Variants in MPC2 observed in about 807,000 individuals in gnomAD.
The protein encoded by MPC2 is brain protein 44.
In MPC2, 19 loss-of-function variants were observed where a neutral mutation model predicts 19.2. That is an observed-to-expected ratio of 0.99 (90% CI 0.69 to 1.45). MPC2 has a LOEUF of 1.45. MPC2 is among the 40% of genes most tolerant of loss of function. The pLI is 0.00. For missense variants in MPC2, 122 were observed against 153.0 expected (o/e 0.80, Z 1.07); for synonymous variants, 61 against 54.3 (o/e 1.12, Z -0.54).
At chr1:167,929,172 A>G (rs1262511742) in intron 2 of MPC2, among the ~76,000 whole-genome samples, 4 of 152,012 alleles carry the variant, frequency 2.6e-5, no homozygotes, top group Non-Finnish European at 4.4e-5. Flanking sequence ...TAGCCTGACC[A>G]ACATGGAGAA....
chr1:167,927,868 T>C (rs1670799639), intron 2 of MPC2, among the ~76,000 whole-genome samples: 2 of 152,202 alleles, frequency 1.3e-5, no homozygotes, highest in Non-Finnish European at 2.9e-5. Flanking sequence ...AGTGAATAAT[T>C]TTAAACTATG....
chr1:167,929,700 C>A (rs1020657489), intron 2 of MPC2, among the ~76,000 whole-genome samples: 1 of 152,132 alleles, frequency 6.6e-6, no homozygotes, highest in African/African-American at 2.4e-5. Context: ...GGCCACCTAT[C>A]GTATATATGA....
chr1:167,920,724 C>T (rs548578438), intron 3 of MPC2, 93 bp from the exon 4 acceptor site: 39 of 1,218,852 alleles, frequency 3.2e-5, no homozygotes, highest in South Asian at 2.4e-4. Context: ...TTGAGATTTC[C>T]GTAAGTTAGC....
intron 3 of MPC2, among the ~76,000 whole-genome samples, chr1:167,922,589 G>A (rs948160874): frequency 6.6e-6 from 1 of 151,510 alleles, no homozygotes; most frequent in Non-Finnish European, 1.5e-5. Flanking sequence ...TTCTCAATAT[G>A]TAGATATGAA....
chr1:167,920,107 T>C lies in MPC2; in HGVS notation c.236-17A>G. The C allele has an allele frequency of 6.6e-7, 1 of 1,525,028 alleles. No homozygotes were observed. The highest frequency in any genetic ancestry group is 2.3e-5 in the East Asian group (1 of 44,234). The allele number at this position is 1,525,028 out of a possible 1,614,324, so 94.5% of individuals were successfully genotyped here. On this transcript the variant is annotated splice_polypyrimidine_tract_variant and intron_variant, in intron 4 of 5. Coordinates refer to ENST00000271373, the MANE Select transcript of MPC2 (RefSeq NM_001143674.4). ...AAATAAACCCTGTTGAAACAAAATG[T>C]TACTTTAAAAAGAATACATACTGCT... is the stretch of plus-strand genomic sequence containing the variant.
chr1:167,928,114 C>T (rs1031105560), intron 2 of MPC2, among the ~76,000 whole-genome samples: 1 of 152,014 alleles, frequency 6.6e-6, no homozygotes, highest in Non-Finnish European at 1.5e-5. Context: ...TTTGTGAGGC[C>T]GAGATGGGCG....
chr1:167,936,701 A>G (rs1253524378), intron 1 of MPC2: 2 of 562,022 alleles, frequency 3.6e-6, no homozygotes, highest in East Asian at 3.1e-5. Flanking sequence ...TGGTTAGTCT[A>G]AGAAGGAGAG....
intron 2 of MPC2, among the ~76,000 whole-genome samples, chr1:167,927,229 A>C (rs1202367937): frequency 6.6e-6 from 1 of 152,214 alleles, no homozygotes; most frequent in Non-Finnish European, 1.5e-5. Context: ...CCTTTATGCC[A>C]AGGATATATT....
At chr1:167,926,776 G>C (rs1256925040) in intron 2 of MPC2, among the ~76,000 whole-genome samples, 1 of 152,134 alleles carries the variant, frequency 6.6e-6, no homozygotes, top group African/African-American at 2.4e-5. Flanking sequence ...CATTCAACTA[G>C]TTTCATGCTA....
At chr1:167,929,167 T>G (rs1487632441) in intron 2 of MPC2, among the ~76,000 whole-genome samples, 1 of 151,340 alleles carries the variant, frequency 6.6e-6, no homozygotes, top group Non-Finnish European at 1.5e-5. Flanking sequence ...GAGACTAGCC[T>G]GACCAACATG....
Position 167,918,433 on chromosome 1 carries a change from C to T in MPC2, c.348-74G>A, listed in dbSNP as rs148820068. 1.7e-4 allele frequency: 158 copies of T among 943,634 alleles called. 2 individuals are homozygous for T. In the East Asian group the frequency reaches 3.0e-3, roughly 18 times the overall value. The allele number at this position is 943,634 out of a possible 1,614,324, so 58.5% of individuals were successfully genotyped here. A position where few individuals can be genotyped will look rare whatever the true frequency, so the allele number is the denominator to read the frequency against. ...TTTATGGTAAGGAGAGAATGGGAAG[C>T]ATACTCCATTTCTTCTTTCTTGGTG... is the stretch of plus-strand genomic sequence containing the variant. On this transcript the variant is annotated intron_variant, in intron 5 of 5. Coordinates refer to ENST00000271373, the MANE Select transcript of MPC2 (RefSeq NM_001143674.4).
At chr1:167,920,732 A>G in intron 3 of MPC2, 101 bp from the exon 4 acceptor site, 1 of 1,153,676 alleles carries the variant, frequency 8.7e-7, no homozygotes, top group Non-Finnish European at 1.2e-6. Flanking sequence ...TCCGTAAGTT[A>G]GCAGCTATAA....
intron 3 of MPC2, among the ~76,000 whole-genome samples, chr1:167,922,608 C>A (rs1392615997): frequency 4.0e-5 from 6 of 151,326 alleles, no homozygotes; most frequent in African/African-American, 1.2e-4. Flanking sequence ...AAAAAAAAAA[C>A]CTGCTCCCTA....
chr1:167,932,823 A>AAAAGAAAAG (rs1553201575), intron 2 of MPC2, among the ~76,000 whole-genome samples: 3 of 150,770 alleles, frequency 2.0e-5, no homozygotes, highest in African/African-American at 7.4e-5. Context: ...AAAAAAAAAA[A>AAAAGAAAAG]AAAAGAAAAG....
At chr1:167,935,647 G>A (rs1671111277) in intron 2 of MPC2, 86 bp downstream of exon 2, 5 of 1,119,024 alleles carry the variant, frequency 4.5e-6, no homozygotes, top group African/African-American at 3.1e-5. Flanking sequence ...TGCCTCTAGA[G>A]GCAGTTGTCA....
rs567720057 is a variant in MPC2, at chr1:167,918,394, T to C, written c.348-35A>G. 1.8e-4 allele frequency: 242 copies of C among 1,345,644 alleles called. 3 individuals are homozygous for C. In the South Asian group the frequency reaches 2.6e-3, roughly 14 times the overall value. The allele number at this position is 1,345,644 out of a possible 1,614,324, so 83.4% of individuals were successfully genotyped here. A position where few individuals can be genotyped will look rare whatever the true frequency, so the allele number is the denominator to read the frequency against. On this transcript the variant is annotated intron_variant, in intron 5 of 5. Coordinates refer to ENST00000271373, the MANE Select transcript of MPC2 (RefSeq NM_001143674.4). ...AAACAGAAAGAAAAATAATCATCAA[T>C]AATAATAGACAAATTTATGGTAAGG...
chr1:167,936,715 G>A, intron 1 of MPC2: 1 of 586,496 alleles, frequency 1.7e-6, no homozygotes, highest in Non-Finnish European at 3.0e-6. Context: ...AGGAGAGTAT[G>A]AGGCGAGCTC....
intron 2 of MPC2, among the ~76,000 whole-genome samples, chr1:167,925,219 A>G (rs1041646649): frequency 2.6e-5 from 4 of 151,786 alleles, no homozygotes; most frequent in African/African-American, 7.3e-5. Flanking sequence ...CATTTTACAT[A>G]TTTTACTCCA....
chr1:167,925,440 C>CAT (rs1387347595), intron 2 of MPC2, among the ~76,000 whole-genome samples: 5 of 49,648 alleles, frequency 1.0e-4, no homozygotes, highest in East Asian at 4.6e-4. Context: ...TATACATATA[C>CAT]ACATATATAT....
Sources: gnomAD v4.1 joint callset for allele counts (sites outside exome capture counted in the v4.1 genomes callset) on GRCh38, gnomAD v4.1.1 for gene constraint, MANE v1.5 for transcripts, NCBI Gene and HGNC (gene_info 2026-07-23, HGNC 2026-07-21) for gene names.